TENM3: variants seen among roughly 807,000 people sequenced by gnomAD.
TENM3 encodes teneurin-3.
A neutral mutation model predicts 255.1 loss-of-function variants in TENM3; 63 were observed. The ratio of observed to expected loss-of-function variants is 0.25; its 90% CI spans 0.20 to 0.30. The LOEUF (loss-of-function observed/expected upper bound fraction) is 0.30. Ranked by LOEUF, TENM3 falls within the 10% of genes least tolerant of loss-of-function variation. TENM3 has a pLI of 1.00. For missense variants in TENM3, 2,929 were observed against 3,461.1 expected, an observed-to-expected ratio of 0.85 and a Z score of 3.86; for synonymous variants, 1,306 against 1,322.3, an observed-to-expected ratio of 0.99 and a Z score of 0.27.
intron 1 of TENM3, among the ~76,000 whole-genome samples, chr4:182,278,871 G>A (rs1048061099): frequency 2.0e-5 from 3 of 152,216 alleles, no homozygotes; most frequent in South Asian, 2.1e-4. Flanking sequence ...TATGTCATGC[G>A]CTGCGGGCTC....
the TENM3 span, among the ~76,000 whole-genome samples, chr4:181,738,957 G>GT: frequency 6.6e-6 from 1 of 151,896 alleles, no homozygotes; most frequent in Non-Finnish European, 1.5e-5. Flanking sequence ...AGCCTAGCTA[G>GT]TTTTTACCTC....
the TENM3 span, among the ~76,000 whole-genome samples, chr4:182,032,593 T>C: frequency 6.6e-6 from 1 of 152,202 alleles, no homozygotes; most frequent in South Asian, 2.1e-4. Context: ...GAGTCTCTCT[T>C]TTTCAATTGT....
rs1466836296 is a variant in TENM3, at chr4:182,561,973, T to TAGATAGACAGAC, written c.512-38944_512-38943insCAGACAGATAGA. On this transcript the variant is annotated intron_variant, in intron 3 of 27. Transcript: ENST00000511685. ...ATAAACAATACTGTGTATATCCAGA[T>TAGATAGACAGAC]AGATAGATAGACAGATAGATAGATA... 2.1e-3 allele frequency among the ~76,000 whole-genome samples: 290 copies of TAGATAGACAGAC among 140,922 alleles called. 1 individual carries two copies. Among genetic ancestry groups the TAGATAGACAGAC allele is most frequent in the Middle Eastern group, 3.5e-3 (1 of 282 alleles). 92.5% of individuals were successfully genotyped at this position (140,922 alleles called of 152,430 possible). A position where few individuals can be genotyped will look rare whatever the true frequency, so the allele number is the denominator to read the frequency against.
At chr4:181,463,482 T>C in the TENM3 span, among the ~76,000 whole-genome samples, 1 of 152,210 alleles carries the variant, frequency 6.6e-6, no homozygotes, top group African/African-American at 2.4e-5. Flanking sequence ...TTCACTCAAC[T>C]GGATGTCTCT....
At chr4:182,464,401 C>T (rs1732384593) in intron 3 of TENM3, among the ~76,000 whole-genome samples, 1 of 152,094 alleles carries the variant, frequency 6.6e-6, no homozygotes, top group Non-Finnish European at 1.5e-5. Context: ...GGATTACAGT[C>T]GCCTGCTGCC....
intron 3 of TENM3, among the ~76,000 whole-genome samples, chr4:182,411,754 G>C (rs1391844542): frequency 6.6e-6 from 1 of 152,174 alleles, no homozygotes. Flanking sequence ...ATTGAGGTGA[G>C]GAAGATAGTG....
chr4:182,216,340 G>A (rs1410613377), intron 1 of TENM3, among the ~76,000 whole-genome samples: 1 of 152,242 alleles, frequency 6.6e-6, no homozygotes, highest in Non-Finnish European at 1.5e-5. Flanking sequence ...TGGCTTCAAG[G>A]TAATGTAGCC....
chr4:182,457,935 T>G (rs1411703078), intron 3 of TENM3, among the ~76,000 whole-genome samples: 1 of 152,210 alleles, frequency 6.6e-6, no homozygotes, highest in African/African-American at 2.4e-5. Flanking sequence ...TAGTCCTAAA[T>G]TTTGCTTTAC....
At chr4:181,750,103 G>A in the TENM3 span, among the ~76,000 whole-genome samples, 8 of 152,278 alleles carry the variant, frequency 5.3e-5, no homozygotes, top group African/African-American at 7.2e-5. Context: ...GAAAGGACAC[G>A]GGAAAGGGAT....
intron 3 of TENM3, among the ~76,000 whole-genome samples, chr4:182,458,659 AC>A (rs1774061198): frequency 6.6e-6 from 1 of 152,226 alleles, no homozygotes; most frequent in Non-Finnish European, 1.5e-5. Flanking sequence ...CATAATGTGA[AC>A]AAATAAAATA....
intron 7 of TENM3, among the ~76,000 whole-genome samples, chr4:182,677,143 T>C (rs1224461859): frequency 2.0e-5 from 3 of 152,180 alleles, no homozygotes; most frequent in Non-Finnish European, 2.9e-5. Context: ...GCAAAGATGG[T>C]TTTAGTGTTA....
the TENM3 span, among the ~76,000 whole-genome samples, chr4:181,563,844 A>G: frequency 6.6e-6 from 1 of 152,138 alleles, no homozygotes; most frequent in Non-Finnish European, 1.5e-5. Context: ...AATAGCTCAT[A>G]CAATCTAACC....
At chr4:181,998,879 A>G in the TENM3 span, among the ~76,000 whole-genome samples, 1 of 152,148 alleles carries the variant, frequency 6.6e-6, no homozygotes, top group Non-Finnish European at 1.5e-5. Context: ...TCCCAGCTCC[A>G]ACAATTATTA....
chr4:181,969,767 A>G, the TENM3 span, among the ~76,000 whole-genome samples: 6 of 152,352 alleles, frequency 3.9e-5, no homozygotes, highest in African/African-American at 1.4e-4. Flanking sequence ...CAGTAATTAC[A>G]TTAAAGTAGA....
intron 3 of TENM3, among the ~76,000 whole-genome samples, chr4:182,588,036 A>G (rs538375296): frequency 1.3e-5 from 2 of 152,278 alleles, no homozygotes; most frequent in Admixed American, 1.3e-4. Context: ...TTTTATATGT[A>G]TAACTTAAGA....
intron 1 of TENM3, among the ~76,000 whole-genome samples, chr4:182,299,901 T>C (rs1287874655): frequency 2.0e-5 from 3 of 150,986 alleles, no homozygotes; most frequent in Non-Finnish European, 4.4e-5. Context: ...ACCTGCTGTA[T>C]TCAAGTAGAT....
At chr4:182,129,586 G>A in the TENM3 span, among the ~76,000 whole-genome samples, 1 of 152,142 alleles carries the variant, frequency 6.6e-6, no homozygotes, top group Non-Finnish European at 1.5e-5. Context: ...GGTGTCGAAG[G>A]ATAGGTAATT....
upstream of TENM3, among the ~76,000 whole-genome samples, chr4:182,140,173 G>C (rs1265374258): frequency 6.6e-6 from 1 of 152,138 alleles, no homozygotes; most frequent in Non-Finnish European, 1.5e-5. Flanking sequence ...TTTTAGTGTT[G>C]TTCACTGTTG....
At chr4:182,175,949 T>C (rs536718981) in intron 1 of TENM3, among the ~76,000 whole-genome samples, 1 of 148,068 alleles carries the variant, frequency 6.8e-6, no homozygotes, top group South Asian at 2.3e-4. Flanking sequence ...TGCAGTACGG[T>C]AGCTCCGGCC....
Sources: gnomAD v4.1 joint callset for allele counts (sites outside exome capture counted in the v4.1 genomes callset) on GRCh38, gnomAD v4.1.1 for gene constraint, MANE v1.5 for transcripts, NCBI Gene and HGNC (gene_info 2026-07-23, HGNC 2026-07-21) for gene names.